KHDRBS2: variants seen among roughly 807,000 people sequenced by gnomAD.
KHDRBS2 encodes the protein KH domain-containing, RNA-binding, signal transduction-associated protein 2.
KHDRBS2 carries 26 observed loss-of-function variants against 44.3 expected under a neutral mutation model. The ratio of observed to expected loss-of-function variants is 0.59; its 90% CI spans 0.43 to 0.81. The LOEUF (loss-of-function observed/expected upper bound fraction) is 0.81, where lower values mean the gene tolerates loss of function less well. Among genes scored for constraint, KHDRBS2 ranks in the 40% least tolerant of loss-of-function variants. The probability of loss-of-function intolerance (pLI) is 0.00; values close to 1 mark genes in which losing one functional copy is unlikely to be tolerated. For synonymous variants in KHDRBS2, 194 were observed against 151.1 expected (o/e 1.28, Z -2.08); for missense variants, 476 against 433.1 (o/e 1.10, Z -0.88).
At chr6:62,077,097 C>G (rs1014345358) in intron 2 of KHDRBS2, among the ~76,000 whole-genome samples, 19 of 151,878 alleles carry the variant, frequency 1.3e-4, no homozygotes, top group African/African-American at 3.9e-4. Context: ...TCTTGCAGAA[C>G]CTGTAGAAAT....
At chr6:61,690,616 C>G (rs1322101807) in intron 8 of KHDRBS2, among the ~76,000 whole-genome samples, 3 of 151,972 alleles carry the variant, frequency 2.0e-5, no homozygotes, top group African/African-American at 7.2e-5. Flanking sequence ...AAGGTAGTTA[C>G]TTATGTTTAT....
Position 61,877,390 on chromosome 6 carries a change from G to A in KHDRBS2, c.810+17245C>T, listed in dbSNP as rs1186101689. The stretch of plus-strand genomic sequence containing the variant: ...AGCAGAAATAGAAAATTCAGTGGAG[G>A]ATTTATGGAAAAGGAAGATGATGTT... On this transcript the variant is annotated intron_variant, in intron 6 of 8. Transcript: ENST00000281156. Among the ~76,000 whole-genome samples, 7 of 151,940 alleles carry A rather than the reference G, an allele frequency of 4.6e-5. No homozygotes were observed. In the East Asian group the frequency reaches 1.4e-3, roughly 29 times the overall value.
the KHDRBS2 span, among the ~76,000 whole-genome samples, chr6:61,636,858 C>A: frequency 6.6e-6 from 1 of 151,944 alleles, no homozygotes; most frequent in African/African-American, 2.4e-5. Context: ...ACATCTCATG[C>A]ATAATTTTAT....
chr6:62,201,738 T>C (rs1827036702), intron 1 of KHDRBS2, among the ~76,000 whole-genome samples: 2 of 152,080 alleles, frequency 1.3e-5, no homozygotes, highest in Non-Finnish European at 2.9e-5. Context: ...CCTAATACCT[T>C]AAGCTAGTGG....
intron 2 of KHDRBS2, among the ~76,000 whole-genome samples, chr6:62,138,556 G>A (rs186526392): frequency 6.6e-6 from 1 of 152,298 alleles, no homozygotes; most frequent in African/African-American, 2.4e-5. Context: ...TGATTCTACA[G>A]CGAGTCGCTC....
chr6:61,973,995 T>G (rs1771967777), intron 4 of KHDRBS2, among the ~76,000 whole-genome samples: 1 of 152,214 alleles, frequency 6.6e-6, no homozygotes, highest in Non-Finnish European at 1.5e-5. Flanking sequence ...CCTCCTTTCA[T>G]CTTTTTAATG....
chr6:61,697,767 T>C (rs1768079867), intron 7 of KHDRBS2, among the ~76,000 whole-genome samples: 1 of 152,172 alleles, frequency 6.6e-6, no homozygotes, highest in Admixed American at 6.6e-5. Flanking sequence ...GATGCTTCCA[T>C]ATTTCAATAA....
At chr6:61,580,226 G>A in the KHDRBS2 span, among the ~76,000 whole-genome samples, 1,354 of 152,214 alleles carry the variant, frequency 8.9e-3, 15 homozygotes, top group African/African-American at 0.031. Flanking sequence ...AAAGTAAGAG[G>A]TGAAGCCAGC....
chr6:61,568,246 T>A, the KHDRBS2 span, among the ~76,000 whole-genome samples: 1 of 152,232 alleles, frequency 6.6e-6, no homozygotes, highest in Non-Finnish European at 1.5e-5. Flanking sequence ...ACTATAGCCT[T>A]GGATGATAAT....
At chr6:62,185,408 T>C (rs1233222599) in intron 1 of KHDRBS2, among the ~76,000 whole-genome samples, 1 of 151,902 alleles carries the variant, frequency 6.6e-6, no homozygotes, top group Non-Finnish European at 1.5e-5. Context: ...TCTCCCAGGC[T>C]AAAGGTCAGC....
chr6:61,625,080 A>G, the KHDRBS2 span, among the ~76,000 whole-genome samples: 1 of 151,988 alleles, frequency 6.6e-6, no homozygotes, highest in South Asian at 2.1e-4. Context: ...ATGCGTGTGG[A>G]ATCCAGGTGA....
At chr6:62,033,084 C>T (rs759404028) in intron 3 of KHDRBS2, among the ~76,000 whole-genome samples, 27 of 151,752 alleles carry the variant, frequency 1.8e-4, no homozygotes, top group South Asian at 4.2e-4. Context: ...CTAAAGAATA[C>T]GTCAGTCTTC....
intron 1 of KHDRBS2, among the ~76,000 whole-genome samples, chr6:62,263,371 A>G (rs1158278788): frequency 9.2e-5 from 14 of 151,606 alleles, no homozygotes; most frequent in Admixed American, 9.2e-4. Context: ...TCTTTTTTCC[A>G]TTACTTCAGT....
At chr6:62,234,775 A>G (rs1455538482) in intron 1 of KHDRBS2, among the ~76,000 whole-genome samples, 1 of 151,976 alleles carries the variant, frequency 6.6e-6, no homozygotes, top group Non-Finnish European at 1.5e-5. Context: ...AACTTCTAAC[A>G]CCACCACACA....
intron 6 of KHDRBS2, chr6:61,816,668 T>C (rs1293881023): frequency 2.3e-6 from 1 of 436,980 alleles, no homozygotes; most frequent in Non-Finnish European, 4.7e-6. Flanking sequence ...CGTTATCTGT[T>C]TTGAAAATCC....
intron 1 of KHDRBS2, among the ~76,000 whole-genome samples, chr6:62,202,084 A>T (rs1484893060): frequency 6.6e-6 from 1 of 152,154 alleles, no homozygotes; most frequent in Non-Finnish European, 1.5e-5. Context: ...TCTTACAGAG[A>T]AATTGTAATT....
rs544107862 is a variant in KHDRBS2 at position 62,218,073 on chromosome 6, CG to C, written c.92-40762del. On this transcript the variant is annotated intron_variant, in intron 1 of 8. Coordinates refer to ENST00000281156, the MANE Select transcript of KHDRBS2 (RefSeq NM_152688.4). ...TCACCCTTGGGGCATCTTGCCAACA[CG>C]GGAAGAGACAACAAAGGGACTGCAC... 2.5e-3 allele frequency among the ~76,000 whole-genome samples: 382 copies of C among 151,860 alleles called. 3 individuals are homozygous for C. The highest frequency in any genetic ancestry group is 8.4e-3 in the African/African-American group (350 of 41,492).
At chr6:62,045,628 G>A (rs1169004033) in intron 3 of KHDRBS2, among the ~76,000 whole-genome samples, 4 of 152,016 alleles carry the variant, frequency 2.6e-5, no homozygotes, top group Admixed American at 2.6e-4. Context: ...TACATAAAAT[G>A]TGTTCAATAA....
intron 2 of KHDRBS2, among the ~76,000 whole-genome samples, chr6:62,059,393 G>C (rs1346046736): frequency 6.6e-6 from 1 of 150,826 alleles, no homozygotes. Flanking sequence ...TTTGGTGTAA[G>C]CTCGATAAAT....
Sources: gnomAD v4.1 joint callset for allele counts (sites outside exome capture counted in the v4.1 genomes callset) on GRCh38, gnomAD v4.1.1 for gene constraint, MANE v1.5 for transcripts, NCBI Gene and HGNC (gene_info 2026-07-23, HGNC 2026-07-21) for gene names.